Variants in TMEM132D observed in about 807,000 individuals in gnomAD.
TMEM132D encodes transmembrane protein 132D, also known as mature OL transmembrane protein.
TMEM132D carries 21 observed loss-of-function variants against 62.3 expected under a neutral mutation model. That is an observed-to-expected ratio of 0.34 (90% CI 0.24 to 0.49). The LOEUF is 0.49. Ranked by LOEUF, TMEM132D falls within the 20% of genes least tolerant of loss-of-function variation. The pLI is 0.99. For synonymous variants in TMEM132D, 621 were observed against 575.6 expected, an observed-to-expected ratio of 1.08 and a Z score of -1.13; for missense variants, 1,346 against 1,402.8, an observed-to-expected ratio of 0.96 and a Z score of 0.65.
chr12:129,669,199 A>G (rs1880444858), intron 2 of TMEM132D, among the ~76,000 whole-genome samples: 1 of 152,220 alleles, frequency 6.6e-6, no homozygotes, highest in Non-Finnish European at 1.5e-5. Context: ...CAGTAAAGCT[A>G]AAGTTTATTT....
intron 4 of TMEM132D, among the ~76,000 whole-genome samples, chr12:129,322,088 C>T (rs1411197208): frequency 6.6e-6 from 1 of 151,946 alleles, no homozygotes; most frequent in Non-Finnish European, 1.5e-5. Context: ...CCTTAATTTT[C>T]TCATCTGCAA....
rs955019200 is a variant in TMEM132D at position 129,406,553 on chromosome 12, G to A, written c.1116-68736C>T. ...GAGAATGGCGTGAACCCGGGAGGCG[G>A]AGGTTGCAGTGAGCCAAGATGGCAC... On this transcript the variant is annotated intron_variant, in intron 3 of 8. Coordinates refer to ENST00000422113, the MANE Select transcript of TMEM132D (RefSeq NM_133448.3). 1.5e-4 allele frequency among the ~76,000 whole-genome samples: 23 copies of A among 151,778 alleles called. No individual in the cohort carries two copies. The East Asian group carries it at 3.7e-3, about 24-fold the overall frequency.
intron 2 of TMEM132D, among the ~76,000 whole-genome samples, chr12:129,552,397 C>G (rs952145064): frequency 2.6e-5 from 4 of 152,132 alleles, no homozygotes; most frequent in African/African-American, 9.6e-5. Flanking sequence ...TATTATCTAC[C>G]TATACATCTA....
intron 2 of TMEM132D, among the ~76,000 whole-genome samples, chr12:129,551,243 G>A (rs1876886556): frequency 6.6e-6 from 1 of 152,232 alleles, no homozygotes. Flanking sequence ...ACGGAATCCA[G>A]GAGCATAAGA....
chr12:129,877,175 A>AATTATATTATAATTAATG (rs1354188701), intron 1 of TMEM132D, among the ~76,000 whole-genome samples: 2 of 148,822 alleles, frequency 1.3e-5, no homozygotes, highest in Non-Finnish European at 3.0e-5. Flanking sequence ...TATTATATTT[A>AATTATATTATAATTAATG]TAATTATGTA....
At chr12:129,486,093 G>A (rs1874570278) in intron 3 of TMEM132D, among the ~76,000 whole-genome samples, 1 of 152,254 alleles carries the variant, frequency 6.6e-6, no homozygotes, top group African/African-American at 2.4e-5. Flanking sequence ...GAGGAACCAA[G>A]CTCGTGGGAG....
intron 1 of TMEM132D, among the ~76,000 whole-genome samples, chr12:129,723,088 A>G (rs1047413079): frequency 3.3e-5 from 5 of 152,124 alleles, no homozygotes; most frequent in Admixed American, 2.6e-4. Flanking sequence ...AAGTGAGATG[A>G]ATTTAAGTGG....
At chr12:129,579,907 C>T (rs1022667691) in intron 2 of TMEM132D, among the ~76,000 whole-genome samples, 7 of 152,212 alleles carry the variant, frequency 4.6e-5, no homozygotes, top group African/African-American at 1.4e-4. Context: ...GGAAAGCCTA[C>T]GGTAAAGTTG....
chr12:129,229,046 G>T (rs970143896), intron 4 of TMEM132D, among the ~76,000 whole-genome samples: 2 of 152,178 alleles, frequency 1.3e-5, no homozygotes, highest in African/African-American at 4.8e-5. Context: ...GATTCTCCGG[G>T]AGGGTCTGAA....
intron 4 of TMEM132D, among the ~76,000 whole-genome samples, chr12:129,220,137 G>C (rs1214111562): frequency 1.3e-5 from 2 of 152,104 alleles, no homozygotes; most frequent in Non-Finnish European, 2.9e-5. Context: ...AAGCGGAAAA[G>C]GATTTATTCA....
intron 3 of TMEM132D, among the ~76,000 whole-genome samples, chr12:129,456,302 A>G (rs1873463564): frequency 6.6e-6 from 1 of 152,132 alleles, no homozygotes; most frequent in South Asian, 2.1e-4. Flanking sequence ...AGCAAACGTT[A>G]CCTGCTGTTA....
chr12:129,432,079 T>C (rs1372595897), intron 3 of TMEM132D, among the ~76,000 whole-genome samples: 2 of 152,210 alleles, frequency 1.3e-5, no homozygotes, highest in Non-Finnish European at 2.9e-5. Context: ...TAGACTCTTA[T>C]CACTATAATT....
intron 2 of TMEM132D, among the ~76,000 whole-genome samples, chr12:129,612,333 G>A (rs1878798542): frequency 6.6e-6 from 1 of 152,192 alleles, no homozygotes; most frequent in Admixed American, 6.5e-5. Context: ...CATCCACAGT[G>A]GGTGTAGAGG....
intron 3 of TMEM132D, among the ~76,000 whole-genome samples, chr12:129,361,176 G>A (rs1870238514): frequency 6.6e-6 from 1 of 152,212 alleles, no homozygotes; most frequent in Non-Finnish European, 1.5e-5. Context: ...GAGCAGCTAA[G>A]AAATTCAAAT....
chr12:129,077,740 CATACATACAACACACG>C (rs1184982857), intron 8 of TMEM132D, among the ~76,000 whole-genome samples: 2 of 152,040 alleles, frequency 1.3e-5, no homozygotes, highest in African/African-American at 4.8e-5. Flanking sequence ...ACATGCAATG[CATACATACAACACACG>C]ATACATTCAC....
At chr12:129,735,218 T>C (rs1869387394) in intron 1 of TMEM132D, among the ~76,000 whole-genome samples, 2 of 152,202 alleles carry the variant, frequency 1.3e-5, no homozygotes, top group Admixed American at 6.5e-5. Context: ...TTTTGCATGA[T>C]TGCTTACTTA....
chr12:129,506,664 G>C (rs764763009), intron 3 of TMEM132D, among the ~76,000 whole-genome samples: 3 of 152,210 alleles, frequency 2.0e-5, no homozygotes, highest in Non-Finnish European at 4.4e-5. Flanking sequence ...ACATGTAGGA[G>C]AATGAAACTG....
chr12:129,241,335 T>C (rs2135584445), intron 4 of TMEM132D, among the ~76,000 whole-genome samples: 1 of 152,262 alleles, frequency 6.6e-6, no homozygotes, highest in African/African-American at 2.4e-5. Flanking sequence ...AATAATCTGA[T>C]TGCCTTGGAA....
chr12:129,393,786 A>G (rs957745597), intron 3 of TMEM132D, among the ~76,000 whole-genome samples: 3 of 152,138 alleles, frequency 2.0e-5, no homozygotes, highest in Non-Finnish European at 4.4e-5. Context: ...GGTAATATTC[A>G]TCACTCAGAA....
Sources: gnomAD v4.1 joint callset for allele counts (sites outside exome capture counted in the v4.1 genomes callset) on GRCh38, gnomAD v4.1.1 for gene constraint, MANE v1.5 for transcripts, NCBI Gene and HGNC (gene_info 2026-07-23, HGNC 2026-07-21) for gene names.